Variants in CNTNAP2 observed in about 807,000 individuals in gnomAD.
CNTNAP2 encodes the protein contactin associated protein 2.
In CNTNAP2, 98 loss-of-function variants were observed where a neutral mutation model predicts 155.2. The ratio of observed to expected loss-of-function variants is 0.63; its 90% CI spans 0.54 to 0.75. The LOEUF (loss-of-function observed/expected upper bound fraction) is 0.75. Ranked by LOEUF, CNTNAP2 falls within the 30% of genes least tolerant of loss-of-function variation. The pLI, the probability that CNTNAP2 is intolerant of heterozygous loss-of-function variation, is 0.00. For synonymous variants in CNTNAP2, 651 were observed against 631.2 expected (o/e 1.03, Z -0.47); for missense variants, 1,727 against 1,688.1 (o/e 1.02, Z -0.40).
chr7:147,675,666 C>T (rs563734757), intron 13 of CNTNAP2, among the ~76,000 whole-genome samples: 1 of 152,128 alleles, frequency 6.6e-6, no homozygotes, highest in Non-Finnish European at 1.5e-5. Flanking sequence ...CAGACACACC[C>T]AGAAATGATG....
At chr7:147,615,545 C>T (rs916031531) in intron 12 of CNTNAP2, among the ~76,000 whole-genome samples, 1 of 152,022 alleles carries the variant, frequency 6.6e-6, no homozygotes, top group African/African-American at 2.4e-5. Flanking sequence ...AAACCATAGG[C>T]ACAGTTCTCT....
At chr7:146,764,020 G>A (rs1215035167) in intron 1 of CNTNAP2, among the ~76,000 whole-genome samples, 2 of 152,164 alleles carry the variant, frequency 1.3e-5, no homozygotes, top group African/African-American at 4.8e-5. Flanking sequence ...AATAGACTTG[G>A]TTTTCAGTAA....
chr7:147,739,970 C>T (rs934559175), intron 13 of CNTNAP2, among the ~76,000 whole-genome samples: 1 of 152,304 alleles, frequency 6.6e-6, no homozygotes, highest in African/African-American at 2.4e-5. Flanking sequence ...CCATCCTTCA[C>T]ATAGTCTTAC....
intron 1 of CNTNAP2, among the ~76,000 whole-genome samples, chr7:146,443,999 C>T (rs1039665165): frequency 2.0e-5 from 3 of 152,062 alleles, no homozygotes; most frequent in African/African-American, 7.2e-5. Context: ...GTAGAATAAA[C>T]TGTCTAATTA....
intron 13 of CNTNAP2, among the ~76,000 whole-genome samples, chr7:147,745,746 T>G (rs193212688): frequency 6.6e-6 from 1 of 152,232 alleles, no homozygotes; most frequent in African/African-American, 2.4e-5. Context: ...CTTGTCTGCA[T>G]AGAGGACATC....
intron 5 of CNTNAP2, among the ~76,000 whole-genome samples, chr7:147,113,653 A>C (rs1474201380): frequency 6.6e-6 from 1 of 152,142 alleles, no homozygotes; most frequent in African/African-American, 2.4e-5. Flanking sequence ...AGCAAGGGGA[A>C]CCACCCCCAT....
At chr7:148,401,075 C>A (rs115913718) in intron 22 of CNTNAP2, among the ~76,000 whole-genome samples, 1,695 of 151,856 alleles carry the variant, frequency 0.011, 32 homozygotes, top group African/African-American at 0.039. Context: ...AACTTTTTTT[C>A]CCGAATATTT....
At chr7:146,620,326 G>T (rs1563159621) in intron 1 of CNTNAP2, among the ~76,000 whole-genome samples, 1 of 152,154 alleles carries the variant, frequency 6.6e-6, no homozygotes, top group Non-Finnish European at 1.5e-5. Flanking sequence ...GGTGCTGCCT[G>T]CTAGTTGATC....
chr7:147,763,265 A>G (rs1431828815), intron 13 of CNTNAP2, among the ~76,000 whole-genome samples: 12 of 119,520 alleles, frequency 1.0e-4, no homozygotes, highest in African/African-American at 5.6e-4. Context: ...AGTCAAAAAA[A>G]AAAAAAGAAA....
chr7:147,237,014 A>T (rs1293515232), intron 8 of CNTNAP2, among the ~76,000 whole-genome samples: 2 of 137,228 alleles, frequency 1.5e-5, no homozygotes, highest in Admixed American at 1.5e-4. Context: ...GTATCTAGCC[A>T]CCTATCATGC....
rs35550665 is a variant in CNTNAP2, at chr7:146,667,718, C to CT, written c.98-106542dup. Among the ~76,000 whole-genome samples the CT allele has an allele frequency of 6.5e-4, 98 of 150,094 alleles. 1 individual carries two copies. In the East Asian group the frequency reaches 0.012, roughly 19 times the overall value. ...GGATAAATTCACTTTTAGGTTTCCT[C>CT]TTTTTTTTTTTGTACACTATTATAA... On this transcript the variant is annotated intron_variant, in intron 1 of 23. Transcript: ENST00000361727.
At chr7:147,541,288 G>A (rs559593734) in intron 11 of CNTNAP2, among the ~76,000 whole-genome samples, 9 of 152,258 alleles carry the variant, frequency 5.9e-5, no homozygotes, top group African/African-American at 1.9e-4. Context: ...TTACTTTCAA[G>A]CTCCATAGCC....
At chr7:146,339,641 G>C (rs1260122392) in intron 1 of CNTNAP2, among the ~76,000 whole-genome samples, 1 of 152,030 alleles carries the variant, frequency 6.6e-6, no homozygotes, top group Non-Finnish European at 1.5e-5. Flanking sequence ...TTAAATATAT[G>C]TAACTAGAGC....
At chr7:147,460,066 A>G (rs2022223) in intron 10 of CNTNAP2, among the ~76,000 whole-genome samples, 117,806 of 151,730 alleles carry the variant, frequency 0.78, 46,035 homozygotes, top group African/African-American at 0.86. Flanking sequence ...GGGTGTAGCA[A>G]ACCACCATGG....
intron 13 of CNTNAP2, among the ~76,000 whole-genome samples, chr7:147,702,261 G>T (rs552504922): frequency 6.6e-6 from 1 of 151,910 alleles, no homozygotes; most frequent in Non-Finnish European, 1.5e-5. Flanking sequence ...AGCAGCAATT[G>T]TATCAATGGC....
intron 3 of CNTNAP2, among the ~76,000 whole-genome samples, chr7:146,981,480 T>A (rs898518794): frequency 2.0e-5 from 3 of 152,216 alleles, no homozygotes; most frequent in Non-Finnish European, 4.4e-5. Flanking sequence ...CTGATTGGAT[T>A]GAACTACTTG....
At chr7:147,417,313 G>A (rs531586229) in intron 10 of CNTNAP2, among the ~76,000 whole-genome samples, 1 of 152,302 alleles carries the variant, frequency 6.6e-6, no homozygotes, top group East Asian at 1.9e-4. Flanking sequence ...TGAGTTGAAA[G>A]CGCTGGCAGA....
intron 1 of CNTNAP2, among the ~76,000 whole-genome samples, chr7:146,389,603 A>C (rs1305292519): frequency 6.7e-6 from 1 of 149,374 alleles, no homozygotes; most frequent in African/African-American, 2.5e-5. Context: ...TCCTTTTTCT[A>C]TAGCAGCTGT....
At chr7:146,832,853 G>T (rs1015607630) in intron 2 of CNTNAP2, among the ~76,000 whole-genome samples, 1 of 151,690 alleles carries the variant, frequency 6.6e-6, no homozygotes, top group African/African-American at 2.4e-5. Context: ...CCGCCACCAC[G>T]CCTGGCAAAT....
Sources: gnomAD v4.1 joint callset for allele counts (sites outside exome capture counted in the v4.1 genomes callset) on GRCh38, gnomAD v4.1.1 for gene constraint, MANE v1.5 for transcripts, NCBI Gene and HGNC (gene_info 2026-07-23, HGNC 2026-07-21) for gene names.